ALS2: variants seen among roughly 807,000 people sequenced by gnomAD.
ALS2 encodes the protein alsin.
ALS2 carries 117 observed loss-of-function variants against 203.4 expected under a neutral mutation model. The observed-to-expected ratio is 0.58, with a 90% confidence interval of 0.50 to 0.67. The LOEUF (loss-of-function observed/expected upper bound fraction) is 0.67, where lower values mean the gene tolerates loss of function less well. Ranked by LOEUF, ALS2 falls within the 30% of genes least tolerant of loss-of-function variation. ALS2 has a pLI of 0.00. For missense variants in ALS2, 1,715 were observed against 1,989.4 expected, an observed-to-expected ratio of 0.86 and a Z score of 2.62; for synonymous variants, 718 against 725.9, an observed-to-expected ratio of 0.99 and a Z score of 0.17.
chr2:201,770,860 A>AGCCAT (rs1401187736), intron 1 of ALS2, among the ~76,000 whole-genome samples: 1 of 152,186 alleles, frequency 6.6e-6, no homozygotes, highest in Non-Finnish European at 1.5e-5. Flanking sequence ...AGAAAAAAGC[A>AGCCAT]GCCATGCCGA....
intron 3 of ALS2, among the ~76,000 whole-genome samples, chr2:201,766,500 T>C (rs1300137352): frequency 9.9e-5 from 15 of 151,190 alleles, no homozygotes; most frequent in Admixed American, 7.9e-4. Flanking sequence ...ACCAAAAAAA[T>C]TAGCTGGGCA....
At position 201,746,600 on chromosome 2, in the gene ALS2, C is replaced by T. The variant is rs759573942; in HGVS notation, c.1964G>A (p.Gly655Asp). The change falls in exon 9 of 34, where the codon GGT becomes GAT. Residue 655 changes from glycine to aspartate, a missense_variant. Transcript: ENST00000264276. ...EGDNLPENHS[G>D]SKTPVLLSCS... Reference sequence around the variant, plus strand: ...GGAGAGAAGTACTGGAGTCTTAGAACCACTGTGATTCTCTGGAAGGTTGTC... The same window carrying T: ...GGAGAGAAGTACTGGAGTCTTAGAATCACTGTGATTCTCTGGAAGGTTGTC... 5.0e-6 allele frequency: 8 copies of T among 1,614,078 alleles called. No individual in the cohort carries two copies. In the East Asian group the frequency reaches 1.1e-4, roughly 22 times the overall value.
intron 9 of ALS2, among the ~76,000 whole-genome samples, chr2:201,744,783 C>T (rs1236903355): frequency 6.6e-6 from 1 of 152,080 alleles, no homozygotes; most frequent in Admixed American, 6.5e-5. Flanking sequence ...TGGAAACAGA[C>T]CCCCTGGATA....
Position 201,761,208 on chromosome 2 carries a change from T to A in ALS2, c.786A>T (p.Thr262=). ...GGTTTTCTGCCTGAGATTCTGTCAG[T>A]GTCACACCTAATGGGCAACAATGAC... is the stretch of plus-strand genomic sequence containing the variant. ...SDSHCCPLGV[T]LTESQAENHA... Residue 262 remains threonine (T), a synonymous_variant, in exon 4 of 34, where the codon ACA becomes ACT. Transcript: ENST00000264276. 1 of 1,614,192 alleles carries A rather than the reference T, an allele frequency of 6.2e-7. No homozygotes were observed. Among genetic ancestry groups the A allele is most frequent in the Non-Finnish European group, 8.5e-7 (1 of 1,180,038 alleles).
intron 1 of ALS2, among the ~76,000 whole-genome samples, chr2:201,771,450 T>C (rs78800150): frequency 0.033 from 5,080 of 152,244 alleles, 94 homozygotes; most frequent in African/African-American, 0.052. Context: ...TGAAGAAAAC[T>C]GATTGCTGAG....
chr2:201,749,438 A>G (rs1291325023), intron 8 of ALS2, among the ~76,000 whole-genome samples: 6 of 152,356 alleles, frequency 3.9e-5, no homozygotes, highest in Non-Finnish European at 7.3e-5. Context: ...CATGTTTTAA[A>G]AGAAAGCACT....
intron 20 of ALS2, among the ~76,000 whole-genome samples, chr2:201,724,970 G>A (rs933229739): frequency 1.1e-4 from 17 of 151,894 alleles, no homozygotes; most frequent in Non-Finnish European, 1.8e-4. Flanking sequence ...AAAATTAGCC[G>A]GGTGTGGTGG....
chr2:201,771,259 C>T (rs191720364), intron 1 of ALS2, among the ~76,000 whole-genome samples: 3,016 of 152,130 alleles, frequency 0.02, 45 homozygotes, highest in Non-Finnish European at 0.028. Flanking sequence ...GTTGGCCAGG[C>T]TGGTCTCGAA....
At position 201,753,109 on chromosome 2, in the gene ALS2, G is replaced by A. The variant is rs1011802296; in HGVS notation, c.1737+37C>T. 3 of 1,540,098 alleles carry A rather than the reference G, an allele frequency of 1.9e-6. No individual in the cohort carries two copies. The South Asian group carries it at 3.3e-5, about 17-fold the overall frequency. On this transcript the variant is annotated intron_variant, in intron 7 of 33. Transcript: ENST00000264276. ...CAACAATGTCATGTTGGCCTTCCAT[G>A]AAAATAAGGTAAAGCATTTAATAGT... is the stretch of plus-strand genomic sequence containing the variant.
At chr2:201,768,499 T>C (rs1190609794) in intron 2 of ALS2, among the ~76,000 whole-genome samples, 1 of 152,222 alleles carries the variant, frequency 6.6e-6, no homozygotes, top group Non-Finnish European at 1.5e-5. Context: ...GACATAACCA[T>C]GGTTCTATAG....
Position 201,727,246 on chromosome 2 carries a change from T to G in ALS2, c.2945A>C (p.Gln982Pro). Residue 982 changes from glutamine to proline, a missense_variant, in exon 17 of 34, where the codon CAG (glutamine) becomes CCG (proline). Physicochemically the swap from Gln to Pro is moderately conservative, Grantham distance 76 (BLOSUM62 -1). Coordinates refer to ENST00000264276, the MANE Select transcript of ALS2 (RefSeq NM_020919.4). ...NGLKITTPEE[Q>P]FTLISSTPQE... ...GGGTGTAGATGAAATGAGAGTGAAC[T>G]GCTCCTCAGGTGTAGTTATCTTTAA... is the stretch of plus-strand genomic sequence containing the variant. 2.5e-6 allele frequency: 4 copies of G among 1,613,258 alleles called. No individual in the cohort carries two copies. The highest frequency in any genetic ancestry group is 2.5e-6 in the Non-Finnish European group (3 of 1,179,460).
intron 23 of ALS2, 98 bp downstream of exon 23, chr2:201,722,945 G>T: frequency 1.1e-6 from 1 of 951,776 alleles, no homozygotes; most frequent in East Asian, 2.6e-5. Flanking sequence ...ACTTGAAAGG[G>T]GTGAATTTTA....
intron 20 of ALS2, among the ~76,000 whole-genome samples, chr2:201,724,694 C>A (rs1691037906): frequency 6.6e-6 from 1 of 152,050 alleles, no homozygotes; most frequent in African/African-American, 2.4e-5. Flanking sequence ...TGTTTTTATT[C>A]TCTTATGGGA....
At position 201,718,216 on chromosome 2, in the gene ALS2, T is replaced by A. The variant is rs1574684292; in HGVS notation, c.3703-6A>T. On this transcript the variant is annotated splice_polypyrimidine_tract_variant and splice_region_variant and intron_variant, in intron 23 of 33. Transcript: ENST00000264276. ...TTTGGCATAGTCAGTGTTCCCTAGG[T>A]AAAGTCAGAGAATAAAATGTGGGGT... 6.2e-7 allele frequency: 1 copy of A among 1,610,844 alleles called. No homozygotes were observed. The highest frequency in any genetic ancestry group is 8.5e-7 in the Non-Finnish European group (1 of 1,177,154).
At chr2:201,763,069 C>T (rs1029640341) in intron 3 of ALS2, 7 of 173,620 alleles carry the variant, frequency 4.0e-5, no homozygotes, top group Non-Finnish European at 8.6e-5. Flanking sequence ...GCGCACTGGC[C>T]AGCACACCAG....
At chr2:201,734,123 T>G (rs1198150450) in intron 12 of ALS2, among the ~76,000 whole-genome samples, 4 of 152,190 alleles carry the variant, frequency 2.6e-5, no homozygotes, top group African/African-American at 9.7e-5. Flanking sequence ...ATTTTAATGC[T>G]GATCAATAAC....
intron 12 of ALS2, among the ~76,000 whole-genome samples, chr2:201,736,522 A>C (rs1691885939): frequency 6.6e-6 from 1 of 152,176 alleles, no homozygotes; most frequent in Non-Finnish European, 1.5e-5. Flanking sequence ...AAATTTGAAA[A>C]ATTAATGAAC....
rs62193417 is a variant in ALS2, at chr2:201,719,703, C to T, written c.3703-1493G>A. On this transcript the variant is annotated intron_variant, in intron 23 of 33. Transcript: ENST00000264276. ...AGGCCTCAGCCAAGAAGGCCTTCAC[C>T]AAACAGGGAATGCTGTAGCCTTGAT... is the stretch of plus-strand genomic sequence containing the variant. Among the ~76,000 whole-genome samples, 513 of 152,346 alleles carry T rather than the reference C, an allele frequency of 3.4e-3. 2 individuals are homozygous for T. Among genetic ancestry groups the T allele is most frequent in the Non-Finnish European group, 5.1e-3 (346 of 68,028 alleles).
At chr2:201,717,366 T>C (rs1375707708) in intron 24 of ALS2, among the ~76,000 whole-genome samples, 4 of 151,598 alleles carry the variant, frequency 2.6e-5, no homozygotes, top group African/African-American at 9.7e-5. Context: ...CTTGGAAGCC[T>C]GAGGCAGGAG....
Sources: allele counts gnomAD v4.1 joint callset (sites outside exome capture counted in the v4.1 genomes callset), GRCh38; gene constraint gnomAD v4.1.1; transcripts MANE v1.5; gene names NCBI Gene and HGNC (gene_info 2026-07-23, HGNC 2026-07-21).